NELL1: variants seen among roughly 807,000 people sequenced by gnomAD.
NELL1 encodes neural EGFL like 1.
Under a neutral mutation model 107.4 loss-of-function variants are expected in NELL1, and 76 were observed. That is an observed-to-expected ratio of 0.71 (90% CI 0.59 to 0.86). The LOEUF (loss-of-function observed/expected upper bound fraction) is 0.86. Among genes scored for constraint, NELL1 ranks in the 40% least tolerant of loss-of-function variants. The probability of loss-of-function intolerance (pLI) is 0.00; values close to 1 mark genes in which losing one functional copy is unlikely to be tolerated. For synonymous variants in NELL1, 353 were observed against 341.2 expected, an observed-to-expected ratio of 1.03 and a Z score of -0.38; for missense variants, 1,024 against 1,005.5, an observed-to-expected ratio of 1.02 and a Z score of -0.25.
chr11:20,729,055 T>C (rs929099947), intron 2 of NELL1, among the ~76,000 whole-genome samples: 4 of 152,186 alleles, frequency 2.6e-5, no homozygotes, highest in African/African-American at 9.6e-5. Context: ...TATTTTATTT[T>C]TTTTATGGCT....
At chr11:21,270,830 G>A (rs1848724482) in intron 14 of NELL1, among the ~76,000 whole-genome samples, 2 of 152,066 alleles carry the variant, frequency 1.3e-5, no homozygotes, top group African/African-American at 4.8e-5. Flanking sequence ...TACAATATCT[G>A]CATTCATGCC....
At chr11:21,047,229 A>G (rs1853378256) in intron 12 of NELL1, among the ~76,000 whole-genome samples, 1 of 152,132 alleles carries the variant, frequency 6.6e-6, no homozygotes, top group Admixed American at 6.6e-5. Context: ...AAAAATTACC[A>G]ATTATATCCC....
At chr11:21,003,974 T>C (rs1852277685) in intron 12 of NELL1, among the ~76,000 whole-genome samples, 1 of 152,132 alleles carries the variant, frequency 6.6e-6, no homozygotes, top group Non-Finnish European at 1.5e-5. Context: ...AGAGGACTCA[T>C]ACAGATTTTC....
At chr11:21,144,508 G>C (rs890583840) in intron 13 of NELL1, among the ~76,000 whole-genome samples, 4 of 152,062 alleles carry the variant, frequency 2.6e-5, no homozygotes, top group Admixed American at 1.3e-4. Flanking sequence ...AGAGAGAGAG[G>C]AAGAGACAGG....
chr11:20,849,752 A>G (rs1309007269), intron 4 of NELL1, among the ~76,000 whole-genome samples: 1 of 152,186 alleles, frequency 6.6e-6, no homozygotes, highest in Non-Finnish European at 1.5e-5. Flanking sequence ...AAATGGACCC[A>G]AAGACTGGTC....
chr11:21,380,519 C>T (rs1448826572), intron 15 of NELL1, among the ~76,000 whole-genome samples: 1 of 151,932 alleles, frequency 6.6e-6, no homozygotes, highest in South Asian at 2.1e-4. Flanking sequence ...TTCAGTAACC[C>T]CTTTCATCTC....
intron 13 of NELL1, among the ~76,000 whole-genome samples, chr11:21,118,219 G>A (rs1855282588): frequency 1.3e-5 from 2 of 151,798 alleles, no homozygotes; most frequent in South Asian, 2.1e-4. Flanking sequence ...TTTTCTGAAA[G>A]CAATGGGGGG....
At chr11:21,101,468 G>T (rs1478764694) in intron 12 of NELL1, among the ~76,000 whole-genome samples, 1 of 152,286 alleles carries the variant, frequency 6.6e-6, no homozygotes, top group Non-Finnish European at 1.5e-5. Context: ...GTGTAAAAGT[G>T]TTCCTATTTC....
chr11:20,831,700 T>C (rs11825833), intron 3 of NELL1, among the ~76,000 whole-genome samples: 2,425 of 152,228 alleles, frequency 0.016, 68 homozygotes, highest in African/African-American at 0.056. Context: ...GGCTTAGGTG[T>C]TTCAAGTTTG....
intron 13 of NELL1, among the ~76,000 whole-genome samples, chr11:21,190,773 A>G (rs1857032780): frequency 6.6e-6 from 1 of 151,920 alleles, no homozygotes; most frequent in South Asian, 2.1e-4. Context: ...AAAAAGTGCA[A>G]CTGGGTGTCA....
chr11:20,674,473 A>G lies in NELL1; in HGVS notation c.56-3459A>G, dbSNP rs1471091629. 4 of 1,535,228 alleles carry G rather than the reference A, an allele frequency of 2.6e-6. No individual in the cohort carries two copies. In the African/African-American group the frequency reaches 4.1e-5, roughly 16 times the overall value. ...CTTTTTACACACGGTAACCCAAAAC[A>G]TGAAATTTCCTACAGCAGAAGATAT... On this transcript the variant is annotated intron_variant, in intron 1 of 19. Coordinates refer to ENST00000357134, the MANE Select transcript of NELL1 (RefSeq NM_006157.5).
chr11:21,184,519 C>A (rs959394870), intron 13 of NELL1, among the ~76,000 whole-genome samples: 1 of 151,828 alleles, frequency 6.6e-6, no homozygotes, highest in Admixed American at 6.6e-5. Flanking sequence ...ATCCACCTGC[C>A]TTGGCCTCCC....
intron 13 of NELL1, among the ~76,000 whole-genome samples, chr11:21,133,802 C>T: frequency 6.6e-6 from 1 of 152,152 alleles, no homozygotes; most frequent in East Asian, 1.9e-4. Context: ...CAGGGGCTTC[C>T]TAGGCCCTGA....
chr11:21,195,524 G>A (rs1484335657), intron 13 of NELL1, among the ~76,000 whole-genome samples: 2 of 139,302 alleles, frequency 1.4e-5, no homozygotes, highest in Non-Finnish European at 3.0e-5. Flanking sequence ...GATACATAAT[G>A]CAAGATACAG....
chr11:21,532,718 A>G (rs781180827), intron 15 of NELL1, among the ~76,000 whole-genome samples: 2 of 152,148 alleles, frequency 1.3e-5, no homozygotes, highest in Non-Finnish European at 2.9e-5. Context: ...TGTTACAGAG[A>G]GTTATCCTTC....
intron 13 of NELL1, among the ~76,000 whole-genome samples, chr11:21,137,350 A>C (rs1229497969): frequency 1.3e-5 from 2 of 152,186 alleles, no homozygotes; most frequent in Non-Finnish European, 1.5e-5. Context: ...TGGAAATAAG[A>C]GGCAGAAAGA....
intron 13 of NELL1, among the ~76,000 whole-genome samples, chr11:21,128,445 G>A (rs190062905): frequency 6.6e-6 from 1 of 152,136 alleles, no homozygotes; most frequent in South Asian, 2.1e-4. Flanking sequence ...AAATAGCTGG[G>A]ATGTTAGAGA....
intron 14 of NELL1, among the ~76,000 whole-genome samples, chr11:21,281,310 G>A (rs1214397629): frequency 6.6e-6 from 1 of 152,002 alleles, no homozygotes; most frequent in Non-Finnish European, 1.5e-5. Context: ...GTGAGGTGAG[G>A]CTCCTCTGCC....
chr11:20,958,372 C>G (rs1851221236), intron 11 of NELL1, among the ~76,000 whole-genome samples: 2 of 152,056 alleles, frequency 1.3e-5, no homozygotes, highest in South Asian at 4.2e-4. Context: ...ACGATTGTGC[C>G]ACCGCACTCC....
Sources: allele counts gnomAD v4.1 joint callset (sites outside exome capture counted in the v4.1 genomes callset), GRCh38; gene constraint gnomAD v4.1.1; transcripts MANE v1.5; gene names NCBI Gene and HGNC (gene_info 2026-07-23, HGNC 2026-07-21).